Variants in SEPTIN2 observed in about 807,000 individuals in gnomAD.
SEPTIN2 encodes the protein septin 2, also known as septin-2.
SEPTIN2 carries 34 observed loss-of-function variants against 46.5 expected under a neutral mutation model. The ratio of observed to expected loss-of-function variants is 0.73; its 90% CI spans 0.56 to 0.97. The LOEUF (loss-of-function observed/expected upper bound fraction) is 0.97. Among genes scored for constraint, SEPTIN2 ranks in the 50% least tolerant of loss-of-function variants. The pLI, the probability that SEPTIN2 is intolerant of heterozygous loss-of-function variation, is 0.00. For missense variants in SEPTIN2, 347 were observed against 448.4 expected, an observed-to-expected ratio of 0.77 and a Z score of 2.04; for synonymous variants, 175 against 153.4, an observed-to-expected ratio of 1.14 and a Z score of -1.04.
chr2:241,320,930 T>A (rs1026606938), intron 1 of SEPTIN2, among the ~76,000 whole-genome samples: 1 of 152,216 alleles, frequency 6.6e-6, no homozygotes, highest in Non-Finnish European at 1.5e-5. Flanking sequence ...TTCTAGAGAT[T>A]GCTTATGGCT....
intron 7 of SEPTIN2, among the ~76,000 whole-genome samples, chr2:241,338,914 T>C (rs1267070925): frequency 1.1e-5 from 1 of 94,408 alleles, no homozygotes; most frequent in African/African-American, 4.2e-5. Context: ...ATATATAATA[T>C]ATATAATTGT....
At chr2:241,320,204 G>A (rs1322927458) in intron 1 of SEPTIN2, 3 of 470,964 alleles carry the variant, frequency 6.4e-6, no homozygotes, top group South Asian at 3.1e-5. Flanking sequence ...TCTCTGTAGA[G>A]GCTTGGAATA....
chr2:241,332,534 C>T lies in SEPTIN2; in HGVS notation c.131-2592C>T, dbSNP rs923855649. 2.0e-5 allele frequency among the ~76,000 whole-genome samples: 3 copies of T among 152,214 alleles called. No individual in the cohort carries two copies. The South Asian group carries it at 6.2e-4, about 32-fold the overall frequency. ...CAGCAAGGATGTGAAACAACTGGAA[C>T]TCTTACTAGTGAGCATGTAAAAATG... On this transcript the variant is annotated intron_variant, in intron 3 of 12. Transcript: ENST00000391971.
upstream of SEPTIN2, chr2:241,315,698 T>G (rs1344025149): frequency 6.6e-6 from 1 of 152,356 alleles, no homozygotes; most frequent in Non-Finnish European, 1.5e-5. Flanking sequence ...CCCCAGCCTC[T>G]ATATGGCCAA....
At chr2:241,318,103 G>A (rs895708987) in intron 1 of SEPTIN2, 1 of 150,634 alleles carries the variant, frequency 6.6e-6, no homozygotes, top group Non-Finnish European at 1.5e-5. Context: ...AAACATTGTG[G>A]ATCCAAGTTA....
Position 241,335,086 on chromosome 2 carries a change from A to T in SEPTIN2, c.131-40A>T, listed in dbSNP as rs755869342. ...CACTTAACCGATTGAATGGTGTCAT[A>T]TGAATAAGGTCATGACAAGGTTTTT... On this transcript the variant is annotated intron_variant, in intron 3 of 12. Transcript: ENST00000391971. 23 of 1,392,880 alleles carry T rather than the reference A, an allele frequency of 1.7e-5. No individual in the cohort carries two copies. In the South Asian group the frequency reaches 2.7e-4, roughly 16 times the overall value. 86.3% of individuals were successfully genotyped at this position (1,392,880 alleles called of 1,614,324 possible). A position where few individuals can be genotyped will look rare whatever the true frequency, so the allele number is the denominator to read the frequency against.
chr2:241,327,774 G>GGT (rs773166387), intron 3 of SEPTIN2, among the ~76,000 whole-genome samples: 10 of 152,132 alleles, frequency 6.6e-5, no homozygotes, highest in Non-Finnish European at 7.3e-5. Flanking sequence ...GATCAGGCCT[G>GGT]GTGTGGTGGC....
chr2:241,321,663 T>C (rs529876103), intron 1 of SEPTIN2, among the ~76,000 whole-genome samples: 120 of 152,306 alleles, frequency 7.9e-4, no homozygotes, highest in African/African-American at 2.7e-3. Context: ...ATAACTGATA[T>C]TCTTGAATTT....
chr2:241,342,668 T>C (rs2081418338), intron 7 of SEPTIN2, among the ~76,000 whole-genome samples: 1 of 150,934 alleles, frequency 6.6e-6, no homozygotes, highest in African/African-American at 2.4e-5. Context: ...CCCCAGCAGC[T>C]GGGACTACAG....
At chr2:241,337,593 T>A in intron 6 of SEPTIN2, 77 bp downstream of exon 6, 1 of 1,573,156 alleles carries the variant, frequency 6.4e-7, no homozygotes, top group Non-Finnish European at 8.7e-7. Flanking sequence ...TATTTTAATA[T>A]AAGAATTAAG....
chr2:241,349,781 A>G (rs907366440), intron 11 of SEPTIN2, among the ~76,000 whole-genome samples: 2 of 152,312 alleles, frequency 1.3e-5, no homozygotes, highest in African/African-American at 4.8e-5. Context: ...AGATTGCGCC[A>G]CTGCACTCCA....
intron 2 of SEPTIN2, 59 bp downstream of exon 2, chr2:241,324,300 T>G: frequency 7.1e-7 from 1 of 1,402,138 alleles, no homozygotes. Flanking sequence ...GTTTTCAGAC[T>G]GTTGACAGTC....
chr2:241,343,644 T>G, intron 8 of SEPTIN2, 108 bp from the exon 9 acceptor site: 1 of 1,258,888 alleles, frequency 7.9e-7, no homozygotes, highest in Non-Finnish European at 1.1e-6. Flanking sequence ...TCCAATTCAG[T>G]TTTGTAGTCA....
At position 241,335,436 on chromosome 2, in the gene SEPTIN2, G is replaced by A. The variant is rs1456449922; in HGVS notation, c.217+224G>A. ...CATGGATCCATCCTCTCTTGAGTTT[G>A]TCTGTAAAATGTAATAAGTAGTTTC... On this transcript the variant is annotated intron_variant, in intron 4 of 12. Transcript: ENST00000391971. 3 of 1,260,776 alleles carry A rather than the reference G, an allele frequency of 2.4e-6. No individual in the cohort carries two copies. In the African/African-American group the frequency reaches 4.5e-5, roughly 19 times the overall value. 78.1% of individuals were successfully genotyped at this position (1,260,776 alleles called of 1,614,324 possible). A position where few individuals can be genotyped will look rare whatever the true frequency, so the allele number is the denominator to read the frequency against.
At chr2:241,326,279 G>T (rs1174505613) in intron 3 of SEPTIN2, among the ~76,000 whole-genome samples, 166 bp downstream of exon 3, 1 of 152,114 alleles carries the variant, frequency 6.6e-6, no homozygotes, top group East Asian at 1.9e-4. Flanking sequence ...TTTTTCTCAG[G>T]AGCAAAATTA....
Position 241,337,752 on chromosome 2 carries a change from ACT to A in SEPTIN2, c.560_561del (p.Leu187HisfsTer15). 2 of 1,613,950 alleles carry A rather than the reference ACT, an allele frequency of 1.2e-6. No homozygotes were observed. The highest frequency in any genetic ancestry group is 1.7e-6 in the Non-Finnish European group (2 of 1,179,942). On this transcript the variant is annotated frameshift_variant, in exon 7 of 13. Coordinates refer to ENST00000391971, the MANE Select transcript of SEPTIN2 (RefSeq NM_004404.5). LOFTEE classifies it high-confidence loss of function. The part of the protein sequence containing the change: ...NIVPVIAKAD[T>X]LTLKERERLK... ...TGTGCCTGTCATTGCAAAAGCTGAC[ACT>A]CTCACCCTGAAGGAACGGGAGCGGC...
rs1267656907 is a variant in SEPTIN2, at chr2:241,328,735, T to TC, written c.130+2624dup. On this transcript the variant is annotated intron_variant, in intron 3 of 12. Coordinates refer to ENST00000391971, the MANE Select transcript of SEPTIN2 (RefSeq NM_004404.5). ...CCAGCCGGGGCAACAAGAGAGAAAC[T>TC]CCATCTCAAAACACGGTGGCTCACG... 6.7e-5 allele frequency among the ~76,000 whole-genome samples: 10 copies of TC among 148,350 alleles called. No individual in the cohort carries two copies. The East Asian group carries it at 1.8e-3, about 27-fold the overall frequency.
At chr2:241,319,335 T>C (rs973993656) in intron 1 of SEPTIN2, among the ~76,000 whole-genome samples, 3 of 152,236 alleles carry the variant, frequency 2.0e-5, no homozygotes, top group African/African-American at 7.2e-5. Flanking sequence ...GCATTGATGA[T>C]TGTGGAAATA....
At chr2:241,341,140 G>T (rs567948070) in intron 7 of SEPTIN2, among the ~76,000 whole-genome samples, 1 of 152,258 alleles carries the variant, frequency 6.6e-6, no homozygotes, top group East Asian at 1.9e-4. Flanking sequence ...GATCCCTGAA[G>T]GTCAGTATTC....
Sources: allele counts gnomAD v4.1 joint callset (sites outside exome capture counted in the v4.1 genomes callset), GRCh38; gene constraint gnomAD v4.1.1; transcripts MANE v1.5; gene names NCBI Gene and HGNC (gene_info 2026-07-23, HGNC 2026-07-21).